Variants in SLC17A5 observed in about 807,000 individuals in gnomAD.
SLC17A5 encodes the protein solute carrier family 17 member 5.
Under a neutral mutation model 59.4 loss-of-function variants are expected in SLC17A5, and 47 were observed. That is an observed-to-expected ratio of 0.79 (90% CI 0.63 to 1.01). The LOEUF is 1.01. Ranked by LOEUF, SLC17A5 falls within the 50% of genes least tolerant of loss-of-function variation. The probability of loss-of-function intolerance (pLI) is 0.00; values close to 1 mark genes in which losing one functional copy is unlikely to be tolerated. For synonymous variants in SLC17A5, 202 were observed against 210.7 expected, an observed-to-expected ratio of 0.96 and a Z score of 0.36; for missense variants, 522 against 595.5, an observed-to-expected ratio of 0.88 and a Z score of 1.28.
intron 1 of SLC17A5, among the ~76,000 whole-genome samples, chr6:73,647,928 G>T (rs1315952107): frequency 6.6e-6 from 1 of 152,272 alleles, no homozygotes; most frequent in Non-Finnish European, 1.5e-5. Context: ...AATTAGCCGG[G>T]CGTGGTGGCA....
intron 9 of SLC17A5, among the ~76,000 whole-genome samples, chr6:73,608,475 A>C (rs473921): frequency 0.11 from 16,341 of 152,188 alleles, 1,054 homozygotes; most frequent in Middle Eastern, 0.18. Flanking sequence ...TAAAAGACAG[A>C]GAGTGAGAAA....
chr6:73,626,974 G>C (rs1346331278), intron 6 of SLC17A5, among the ~76,000 whole-genome samples: 1 of 152,140 alleles, frequency 6.6e-6, no homozygotes, highest in African/African-American at 2.4e-5. Context: ...GTTTCACTAA[G>C]TTGACCAGGC....
intron 10 of SLC17A5, among the ~76,000 whole-genome samples, chr6:73,597,295 G>A (rs931107147): frequency 2.7e-5 from 4 of 148,496 alleles, no homozygotes; most frequent in East Asian, 2.0e-4. Flanking sequence ...GTGAAACCCC[G>A]TCTCTACTAA....
chr6:73,634,006 T>A (rs1768887574), intron 6 of SLC17A5, among the ~76,000 whole-genome samples: 2 of 152,110 alleles, frequency 1.3e-5, no homozygotes, highest in Admixed American at 6.5e-5. Context: ...GAAAACAAAC[T>A]GTGTATATTT....
intron 6 of SLC17A5, among the ~76,000 whole-genome samples, chr6:73,628,549 GA>G (rs1360369837): frequency 6.6e-6 from 1 of 152,084 alleles, no homozygotes; most frequent in African/African-American, 2.4e-5. Flanking sequence ...CCAGCTTGGG[GA>G]ACAGAGGGAG....
chr6:73,597,821 CAA>C (rs1481765163), intron 10 of SLC17A5, among the ~76,000 whole-genome samples: 1 of 151,752 alleles, frequency 6.6e-6, no homozygotes, highest in Non-Finnish European at 1.5e-5. Context: ...AAAACCCAAA[CAA>C]ACAAGCAGTA....
rs1769292324 is a variant in SLC17A5 at position 73,641,696 on chromosome 6, C to T, written c.520G>A (p.Gly174Arg). 1 of 1,607,630 alleles carries T rather than the reference C, an allele frequency of 6.2e-7. No homozygotes were observed. ...AAGAGAGAAAAGAAAATTACCTCTC[C>T]TAGTCCTTCTAGTGCTCTGAGTACA... ...LIVLRALEGL[G>R]EGVTFPAMHA... Residue 174 changes from glycine to arginine, a missense_variant, in exon 3 of 11, where the codon GGA (glycine) becomes AGA (arginine). Gly to Arg is a moderately radical substitution (Grantham distance 125). Around this residue, in one of 3 missense-constraint regions of SLC17A5, gnomAD observed 338 missense variants for 363.8 expected, o/e 0.93. Transcript: ENST00000355773.
Position 73,597,938 on chromosome 6 carries a change from C to T in SLC17A5, c.1350+2413G>A, listed in dbSNP as rs142954261. Reference sequence around the variant, plus strand: ...TGAAGAAAGAAACACCCTGTGGTGGCTATACTTGTCTGAGATGAGTGCATT... The same window carrying T: ...TGAAGAAAGAAACACCCTGTGGTGGTTATACTTGTCTGAGATGAGTGCATT... On this transcript the variant is annotated intron_variant, in intron 10 of 10. Transcript: ENST00000355773. Among the ~76,000 whole-genome samples, 269 of 152,226 alleles carry T rather than the reference C, an allele frequency of 1.8e-3. 1 individual carries two copies. Among genetic ancestry groups the T allele is most frequent in the African/African-American group, 6.1e-3 (253 of 41,556 alleles).
chr6:73,600,082 C>T (rs1342394791), intron 10 of SLC17A5, among the ~76,000 whole-genome samples: 1 of 152,206 alleles, frequency 6.6e-6, no homozygotes, highest in Non-Finnish European at 1.5e-5. Flanking sequence ...GCATGAGCCA[C>T]TGCACCCGGC....
intron 6 of SLC17A5, among the ~76,000 whole-genome samples, chr6:73,631,536 C>T (rs1410859740): frequency 6.6e-6 from 1 of 151,884 alleles, no homozygotes; most frequent in Non-Finnish European, 1.5e-5. Flanking sequence ...CTCAACTCTG[C>T]ACTAAGATGC....
Position 73,636,704 on chromosome 6 carries a change from G to T in SLC17A5, c.617C>A (p.Ala206Glu). The T allele has an allele frequency of 1.9e-6, 3 of 1,605,918 alleles. No homozygotes were observed. Among genetic ancestry groups the T allele is most frequent in the Non-Finnish European group, 2.6e-6 (3 of 1,172,618 alleles). ...SKLLSISYAGAQLGTVISLPL... is the reference protein window; with the variant it reads ...SKLLSISYAGEQLGTVISLPL... Reference sequence around the variant, plus strand: ...AAGAGAAATTACTGTCCCAAGCTGTGCTCCTAGAACAACACATAAGACTAT... The same window carrying T: ...AAGAGAAATTACTGTCCCAAGCTGTTCTCCTAGAACAACACATAAGACTAT... The change falls in exon 5 of 11, where the codon GCA becomes GAA. Residue 206 changes from alanine to glutamate, a missense_variant. Physicochemically the swap from Ala to Glu is moderately radical, Grantham distance 107 (BLOSUM62 -1). Around this residue, in one of 3 missense-constraint regions of SLC17A5, gnomAD observed 338 missense variants for 363.8 expected, o/e 0.93. Transcript: ENST00000355773.
intron 6 of SLC17A5, among the ~76,000 whole-genome samples, chr6:73,632,989 C>T (rs1242322982): frequency 1.3e-5 from 2 of 151,666 alleles, no homozygotes; most frequent in South Asian, 2.1e-4. Flanking sequence ...TTCAAAGTAA[C>T]TTAACTTATT....
chr6:73,613,838 G>C (rs1428192959), intron 8 of SLC17A5, among the ~76,000 whole-genome samples: 1 of 152,164 alleles, frequency 6.6e-6, no homozygotes, highest in Non-Finnish European at 1.5e-5. Flanking sequence ...ATGGCTGGGG[G>C]CTGGGTGTGG....
chr6:73,601,418 G>A (rs867828555), intron 9 of SLC17A5, among the ~76,000 whole-genome samples: 1 of 111,604 alleles, frequency 9.0e-6, no homozygotes. Flanking sequence ...AGGTGGGGGG[G>A]TCAGCCCCGC....
In SLC17A5 at chr6:73,644,510, G is replaced by A; in HGVS notation, c.188C>T (p.Ala63Val). 3.7e-6 allele frequency: 6 copies of A among 1,613,798 alleles called. No homozygotes were observed. Among genetic ancestry groups the A allele is most frequent in the African/African-American group, 2.7e-5 (2 of 74,938 alleles). Residue 63 changes from alanine (A) to valine (V), a missense_variant, in exon 2 of 11, where the codon GCG becomes GTG. Around this residue, in one of 3 missense-constraint regions of SLC17A5, gnomAD observed 338 missense variants for 363.8 expected, o/e 0.93. Coordinates refer to ENST00000355773, the MANE Select transcript of SLC17A5 (RefSeq NM_012434.5). Reference sequence around the variant, plus strand: ...ATTTGAATCTACCATATCCACTAACGCAACACTCAGATTCACACGTAATGC... The same window carrying A: ...ATTTGAATCTACCATATCCACTAACACAACACTCAGATTCACACGTAATGC... ...VYALRVNLSV[A>V]LVDMVDSNTT...
chr6:73,606,333 T>C (rs1767389588), intron 9 of SLC17A5, among the ~76,000 whole-genome samples: 1 of 152,046 alleles, frequency 6.6e-6, no homozygotes, highest in Admixed American at 6.6e-5. Context: ...ATGAGCCACC[T>C]CACCGGGCCT....
chr6:73,653,138 T>C (rs1401996323), intron 1 of SLC17A5: 1 of 985,326 alleles, frequency 1.0e-6, no homozygotes, highest in African/African-American at 1.7e-5. Flanking sequence ...AAAAATGTCC[T>C]CGATGTTTTT....
At chr6:73,635,010 G>C (rs1768927810) in intron 6 of SLC17A5, among the ~76,000 whole-genome samples, 1 of 150,242 alleles carries the variant, frequency 6.7e-6, no homozygotes, top group South Asian at 2.1e-4. Flanking sequence ...ATTTTTTATA[G>C]TTTATAAAAC....
At position 73,621,949 on chromosome 6, in the gene SLC17A5, T is replaced by C. The variant is rs1242305214; in HGVS notation, c.833A>G (p.Lys278Arg). The C allele has an allele frequency of 6.2e-7, 1 of 1,614,014 alleles. No homozygotes were observed. Among genetic ancestry groups the C allele is most frequent in the Non-Finnish European group, 8.5e-7 (1 of 1,179,950 alleles). Residue 278 changes from lysine to arginine, a missense_variant, in exon 7 of 11, where the codon AAG becomes AGG. Physicochemically the swap from Lys to Arg is conservative, Grantham distance 26. This residue lies in a region of SLC17A5 where 338 missense variants were observed against 363.8 expected (regional missense o/e 0.93). Coordinates refer to ENST00000355773, the MANE Select transcript of SLC17A5 (RefSeq NM_012434.5). Reference protein sequence around the residue: ...SSLRNQLSSQKSVPWVPILKS... With the variant: ...SSLRNQLSSQRSVPWVPILKS... ...TAAAATGGGTACCCACGGCACTGACTTCTGTGAAGAAAGCTGAAGAAAACA... is the reference window on the plus strand; with the variant it reads ...TAAAATGGGTACCCACGGCACTGACCTCTGTGAAGAAAGCTGAAGAAAACA...
Sources: allele counts gnomAD v4.1 joint callset (sites outside exome capture counted in the v4.1 genomes callset), GRCh38; gene constraint gnomAD v4.1.1; regional missense constraint gnomAD v4.1.1; transcripts MANE v1.5; gene names NCBI Gene and HGNC (gene_info 2026-07-23, HGNC 2026-07-21).